HPSE2: variants seen among roughly 807,000 people sequenced by gnomAD.
HPSE2 encodes the protein inactive heparanase-2.
Under a neutral mutation model 60.5 loss-of-function variants are expected in HPSE2, and 38 were observed. That is an observed-to-expected ratio of 0.63 (90% CI 0.48 to 0.82). The LOEUF is 0.82. Ranked by LOEUF, HPSE2 falls within the 40% of genes least tolerant of loss-of-function variation. The pLI is 0.00. For missense variants in HPSE2, 713 were observed against 740.4 expected (o/e 0.96, Z 0.43); for synonymous variants, 295 against 293.2 (o/e 1.01, Z -0.06).
chr10:99,312,996 C>T, the HPSE2 span, among the ~76,000 whole-genome samples: 3 of 152,110 alleles, frequency 2.0e-5, no homozygotes, highest in Non-Finnish European at 4.4e-5. Flanking sequence ...GTCGTTTATG[C>T]CATCATGTGG....
intron 5 of HPSE2, 24 bp downstream of exon 5, chr10:98,721,633 G>T: frequency 6.2e-7 from 1 of 1,606,550 alleles, no homozygotes; most frequent in African/African-American, 1.3e-5. Context: ...AATGTCATAA[G>T]AAAAGCTAAA....
intron 3 of HPSE2, among the ~76,000 whole-genome samples, chr10:98,765,439 A>G (rs1950098458): frequency 6.6e-6 from 1 of 152,240 alleles, no homozygotes; most frequent in Admixed American, 6.5e-5. Flanking sequence ...AAGGGAAATC[A>G]TAACATATAT....
chr10:98,956,980 T>C (rs1188280426), intron 3 of HPSE2, among the ~76,000 whole-genome samples: 7 of 151,976 alleles, frequency 4.6e-5, no homozygotes, highest in Admixed American at 6.6e-5. Flanking sequence ...CTGGTACAAA[T>C]TGAATGAGAG....
At chr10:98,675,929 G>A (rs1947629188) in intron 6 of HPSE2, among the ~76,000 whole-genome samples, 1 of 151,718 alleles carries the variant, frequency 6.6e-6, no homozygotes. Context: ...TGTAGTTCCA[G>A]CTACTTTAGA....
chr10:99,262,643 T>C, the HPSE2 span, among the ~76,000 whole-genome samples: 6 of 152,204 alleles, frequency 3.9e-5, no homozygotes, highest in Admixed American at 3.9e-4. Flanking sequence ...CAGCATGGCC[T>C]TTTAAAGCCT....
intron 3 of HPSE2, among the ~76,000 whole-genome samples, chr10:98,869,040 TGTGA>T (rs1209215564): frequency 1.2e-4 from 19 of 152,216 alleles, no homozygotes; most frequent in South Asian, 6.2e-4. Flanking sequence ...TATGTGTGCA[TGTGA>T]GTATGTGTAT....
At chr10:98,467,495 G>A (rs1331827822) in intron 11 of HPSE2, among the ~76,000 whole-genome samples, 1 of 152,162 alleles carries the variant, frequency 6.6e-6, no homozygotes, top group East Asian at 1.9e-4. Flanking sequence ...GAGAGGGAGA[G>A]AGGGAAGGGG....
intron 11 of HPSE2, among the ~76,000 whole-genome samples, chr10:98,470,738 G>C (rs1345407430): frequency 1.3e-5 from 2 of 152,170 alleles, no homozygotes; most frequent in Non-Finnish European, 2.9e-5. Flanking sequence ...GTTTCGTCTA[G>C]GTCATCTGGG....
At chr10:99,280,026 C>G in the HPSE2 span, among the ~76,000 whole-genome samples, 1 of 152,196 alleles carries the variant, frequency 6.6e-6, no homozygotes, top group African/African-American at 2.4e-5. Flanking sequence ...ATGCACAGAG[C>G]CTGTGACTAT....
intron 3 of HPSE2, among the ~76,000 whole-genome samples, chr10:99,121,078 G>T (rs918681102): frequency 2.6e-5 from 4 of 152,154 alleles, no homozygotes; most frequent in Non-Finnish European, 5.9e-5. Flanking sequence ...ATGGTAGACA[G>T]AATAAAGAAA....
At chr10:98,960,622 T>C (rs1259920438) in intron 3 of HPSE2, among the ~76,000 whole-genome samples, 1 of 149,988 alleles carries the variant, frequency 6.7e-6, no homozygotes, top group East Asian at 2.0e-4. Context: ...ATCCCTCCTC[T>C]ATAATTCCAC....
the HPSE2 span, among the ~76,000 whole-genome samples, chr10:99,266,503 G>A: frequency 6.6e-6 from 1 of 151,988 alleles, no homozygotes; most frequent in South Asian, 2.1e-4. Flanking sequence ...CCTACCCAAG[G>A]AGAGTCTCAG....
At chr10:99,153,261 A>G (rs1210268278) in intron 2 of HPSE2, among the ~76,000 whole-genome samples, 1 of 152,166 alleles carries the variant, frequency 6.6e-6, no homozygotes, top group Non-Finnish European at 1.5e-5. Flanking sequence ...CAGCTCAAGG[A>G]GACCTGCCTG....
chr10:98,461,804 T>C (rs1940301582), intron 11 of HPSE2: 2 of 1,595,884 alleles, frequency 1.3e-6, no homozygotes, highest in East Asian at 4.5e-5. Context: ...TCCCACAGTA[T>C]TGACATCTTT....
intron 3 of HPSE2, among the ~76,000 whole-genome samples, chr10:98,829,231 C>T (rs923721075): frequency 6.6e-6 from 1 of 152,018 alleles, no homozygotes; most frequent in African/African-American, 2.4e-5. Context: ...TTCAGTTTTA[C>T]AAGATGAAGA....
intron 3 of HPSE2, among the ~76,000 whole-genome samples, chr10:98,901,510 T>C (rs1038936018): frequency 1.3e-5 from 2 of 152,206 alleles, no homozygotes; most frequent in African/African-American, 4.8e-5. Flanking sequence ...AGCTTGCTGC[T>C]AAACAGGGCT....
the HPSE2 span, among the ~76,000 whole-genome samples, chr10:99,278,597 C>T: frequency 6.6e-6 from 1 of 152,076 alleles, no homozygotes; most frequent in African/African-American, 2.4e-5. Flanking sequence ...TTTGCTGCCT[C>T]AAATAAAATG....
intron 9 of HPSE2, among the ~76,000 whole-genome samples, chr10:98,563,081 T>C (rs1399892898): frequency 6.6e-6 from 1 of 152,188 alleles, no homozygotes; most frequent in African/African-American, 2.4e-5. Context: ...CTCTTAGATA[T>C]ATACCCAAGA....
chr10:98,919,588 T>C (rs972514364), intron 3 of HPSE2, among the ~76,000 whole-genome samples: 2 of 152,168 alleles, frequency 1.3e-5, no homozygotes, highest in African/African-American at 4.8e-5. Context: ...ATTTTAAATA[T>C]ATTCAAGAGA....
Sources: allele counts gnomAD v4.1 joint callset (sites outside exome capture counted in the v4.1 genomes callset), GRCh38; gene constraint gnomAD v4.1.1; transcripts MANE v1.5; gene names NCBI Gene and HGNC (gene_info 2026-07-23, HGNC 2026-07-21).